PLXNB1: variants seen among roughly 807,000 people sequenced by gnomAD.
PLXNB1 encodes the protein plexin-B1.
A neutral mutation model predicts 209.4 loss-of-function variants in PLXNB1; 106 were observed. That is an observed-to-expected ratio of 0.51 (90% confidence interval 0.43 to 0.59). The LOEUF (loss-of-function observed/expected upper bound fraction) is 0.59. Ranked by LOEUF, PLXNB1 falls within the 20% of genes least tolerant of loss-of-function variation. The pLI, the probability that PLXNB1 is intolerant of heterozygous loss-of-function variation, is 0.00. For missense variants in PLXNB1, 2,357 were observed against 2,853.2 expected, an observed-to-expected ratio of 0.83 and a Z score of 3.96; for synonymous variants, 1,167 against 1,183.2, an observed-to-expected ratio of 0.99 and a Z score of 0.28.
At chr3:48,414,589 C>T (rs1254019661) in intron 21 of PLXNB1, among the ~76,000 whole-genome samples, 4 of 152,194 alleles carry the variant, frequency 2.6e-5, no homozygotes, top group East Asian at 3.9e-4. Flanking sequence ...CATCAGGACC[C>T]GGGCCACCAG....
Position 48,404,258 on chromosome 3 carries a change from C to T in PLXNB1, c.*228G>A. ...TCCCTGCAGACCGGTGTCACAGGGT[C>T]GCTGGACTCGGGGAGCAGGCTGGGT... is the stretch of plus-strand genomic sequence containing the variant. On this transcript the variant is annotated 3_prime_UTR_variant, in exon 38 of 38. Transcript: ENST00000296440. 5.6e-6 allele frequency: 3 copies of T among 533,934 alleles called. No homozygotes were observed. Among genetic ancestry groups the T allele is most frequent in the South Asian group, 2.7e-5 (1 of 37,702 alleles). 33.1% of individuals were successfully genotyped at this position (533,934 alleles called of 1,614,324 possible). A position where few individuals can be genotyped will look rare whatever the true frequency, so the allele number is the denominator to read the frequency against.
Position 48,416,105 on chromosome 3 carries a change from G to A in PLXNB1, c.3543C>T (p.Thr1181=). 1 of 1,599,086 alleles carries A rather than the reference G, an allele frequency of 6.3e-7. No individual in the cohort carries two copies. The highest frequency in any genetic ancestry group is 8.5e-7 in the Non-Finnish European group (1 of 1,173,108). ...RGPRAGGTRL[T]LNGSKLLTGR... ...CAGTCAGGAGCTTGGAGCCATTCAG[G>A]GTGAGACGGGTGCCCCCAGCTCTGG... Residue 1181 remains threonine (T), a synonymous_variant, in exon 18 of 38, where the codon ACC becomes ACT. Transcript: ENST00000296440. This position sits in a 1 kb window ranked among gnomAD's most constrained non-coding sequence, Gnocchi z 4.1.
chr3:48,424,885 C>T (rs1464008219), intron 2 of PLXNB1, among the ~76,000 whole-genome samples: 1 of 152,166 alleles, frequency 6.6e-6, no homozygotes, highest in Non-Finnish European at 1.5e-5. Context: ...CTGCACCCCA[C>T]TCACCATCCC....
Position 48,418,130 on chromosome 3 carries a change from GC to G in PLXNB1, c.3222+60del, listed in dbSNP as rs1231793356. ...GGCAGCCCCAACCTCCCACCTTTGGGCCCCCACACCCTCCCTCTAAGGGCAG... is the reference window on the plus strand; with the variant it reads ...GGCAGCCCCAACCTCCCACCTTTGGGCCCCACACCCTCCCTCTAAGGGCAG... On this transcript the variant is annotated intron_variant, in intron 15 of 37. Coordinates refer to ENST00000296440, the MANE Select transcript of PLXNB1 (RefSeq NM_001130082.3). The surrounding 1 kb of genome is among the most constrained non-coding windows in gnomAD (Gnocchi z 6.6). 3.1e-6 allele frequency: 5 copies of G among 1,607,080 alleles called. No homozygotes were observed. Among genetic ancestry groups the G allele is most frequent in the Middle Eastern group, 3.3e-4 (2 of 6,062 alleles).
Position 48,405,646 on chromosome 3 carries a change from A to G in PLXNB1, c.6303+78T>C, listed in dbSNP as rs1235139155. The G allele has an allele frequency of 8.9e-7, 1 of 1,127,972 alleles. No homozygotes were observed. Among genetic ancestry groups the G allele is most frequent in the Non-Finnish European group, 1.3e-6 (1 of 758,936 alleles). 69.9% of individuals were successfully genotyped at this position (1,127,972 alleles called of 1,614,324 possible). ...GGGGAAGACCAAAGCCCCCAACGTG[A>G]GTCACAGGGTCAGAGCCCCTTAAGT... On this transcript the variant is annotated intron_variant, in intron 37 of 37. Coordinates refer to ENST00000296440, the MANE Select transcript of PLXNB1 (RefSeq NM_001130082.3). This position sits in a 1 kb window ranked among gnomAD's most constrained non-coding sequence, Gnocchi z 5.0.
At chr3:48,422,598 G>A (rs915014137) in intron 4 of PLXNB1, 139 bp from the exon 5 acceptor site, 15 of 1,262,432 alleles carry the variant, frequency 1.2e-5, no homozygotes, top group East Asian at 5.1e-5. Flanking sequence ...CTGGCCTAGC[G>A]GGGATGGAGG....
chr3:48,423,471 A>G (rs746724825), intron 3 of PLXNB1, 34 bp downstream of exon 3: 8 of 1,593,512 alleles, frequency 5.0e-6, no homozygotes, highest in Admixed American at 1.7e-5. Context: ...GTGGCCTCAG[A>G]GAGGCGGAAA....
rs1332267246 is a variant in PLXNB1 at position 48,416,974 on chromosome 3, C to T, written c.3375-523G>A. 1 of 152,344 alleles carries T rather than the reference C, an allele frequency of 6.6e-6. No individual in the cohort carries two copies. Among genetic ancestry groups the T allele is most frequent in the Non-Finnish European group, 1.5e-5 (1 of 68,138 alleles). The allele number at this position is 152,344 out of a possible 1,614,324, so 9.4% of individuals were successfully genotyped here. On this transcript the variant is annotated intron_variant, in intron 16 of 37. Transcript: ENST00000296440. The surrounding 1 kb of genome is among the most constrained non-coding windows in gnomAD (Gnocchi z 4.1). ...ATAGAAGCTTGGGCAAATTAAACTT[C>T]CAGAGTGTTAAGCCTGCAGTGGCTC...
Position 48,416,039 on chromosome 3 carries a change from A to C in PLXNB1, c.3609T>G (p.Pro1203=). 1 of 1,603,982 alleles carries C rather than the reference A, an allele frequency of 6.2e-7. No homozygotes were observed. Among genetic ancestry groups the C allele is most frequent in the Non-Finnish European group, 8.5e-7 (1 of 1,175,462 alleles). The change falls in exon 18 of 38, where the codon CCT becomes CCG. Residue 1203 remains proline, a synonymous_variant. Transcript: ENST00000296440. This position sits in a 1 kb window ranked among gnomAD's most constrained non-coding sequence, Gnocchi z 4.1. The stretch of plus-strand genomic sequence containing the variant: ...GAGGAAGTGGCCCTCACAAGTGACA[A>C]GGCTGGTCTCCAACCACCACTCGGA... ...EDIRVVVGDQ[P]CHLLPEQQSE...
In PLXNB1 at chr3:48,423,748, C is replaced by A. The variant is rs758795276; in HGVS notation, c.864G>T (p.Ala288=). 1 of 1,613,870 alleles carries A rather than the reference C, an allele frequency of 6.2e-7. No individual in the cohort carries two copies. The highest frequency in any genetic ancestry group is 1.1e-5 in the South Asian group (1 of 91,084). The change falls in exon 3 of 38, where the codon GCG becomes GCT. Residue 288 remains alanine (A), a synonymous_variant. Coordinates refer to ENST00000296440, the MANE Select transcript of PLXNB1 (RefSeq NM_001130082.3). ...AAGCTGCAAAGAGCACCTCCCCATG[C>A]GCCACCTCCCTGGACGTGGCCACAG... is the stretch of plus-strand genomic sequence containing the variant. ...AAAVATSREV[A]HGEVLFAAFS... is the part of the protein sequence containing the mutation.
rs925476755 is a variant in PLXNB1, at chr3:48,418,207, G to A, written c.3206C>T (p.Ala1069Val). The A allele has an allele frequency of 2.5e-6, 4 of 1,610,690 alleles. No homozygotes were observed. Among genetic ancestry groups the A allele is most frequent in the South Asian group, 2.2e-5 (2 of 90,776 alleles). ...EAEAVATQCPAPLIHSVEPLT... is the reference protein window; with the variant it reads ...EAEAVATQCPVPLIHSVEPLT... ...TCAACAAACCGAGTGGATGAGGGGC[G>A]CTGGGCACTGGGTGGCCACAGCCTC... Residue 1069 changes from alanine (A) to valine (V), a missense_variant, in exon 15 of 38, where the codon GCG becomes GTG. Ala to Val is a moderately conservative substitution (Grantham distance 64, BLOSUM62 0). Around this residue, in one of 7 missense-constraint regions of PLXNB1, gnomAD observed 743 missense variants for 896.2 expected, o/e 0.83. Coordinates refer to ENST00000296440, the MANE Select transcript of PLXNB1 (RefSeq NM_001130082.3). The surrounding 1 kb of genome is among the most constrained non-coding windows in gnomAD (Gnocchi z 6.6).
At chr3:48,412,376 C>A in intron 26 of PLXNB1, 66 bp downstream of exon 26, 1 of 1,611,036 alleles carries the variant, frequency 6.2e-7, no homozygotes, top group East Asian at 2.2e-5. Flanking sequence ...TGCAGACCCC[C>A]CAGCCCGAGG....
Position 48,405,867 on chromosome 3 carries a change from AC to A in PLXNB1, c.6229-70del. On this transcript the variant is annotated intron_variant, in intron 36 of 37. Transcript: ENST00000296440. This position sits in a 1 kb window ranked among gnomAD's most constrained non-coding sequence, Gnocchi z 5.0. ...AGAGAGCCACAGGAGGCAGCCCAGGACCCCAGGGAAGGGCTGGGGGAGAAGG... is the reference window on the plus strand; with the variant it reads ...AGAGAGCCACAGGAGGCAGCCCAGGACCCAGGGAAGGGCTGGGGGAGAAGG... The A allele has an allele frequency of 2.3e-6, 3 of 1,290,464 alleles. No homozygotes were observed. Among genetic ancestry groups the A allele is most frequent in the Admixed American group, 1.7e-5 (1 of 57,354 alleles). The allele number at this position is 1,290,464 out of a possible 1,614,324, so 79.9% of individuals were successfully genotyped here. A position where few individuals can be genotyped will look rare whatever the true frequency, so the allele number is the denominator to read the frequency against.
chr3:48,412,825 C>A lies in PLXNB1; in HGVS notation c.4771G>T (p.Val1591Leu). 1 of 1,613,772 alleles carries A rather than the reference C, an allele frequency of 6.2e-7. No individual in the cohort carries two copies. The highest frequency in any genetic ancestry group is 8.5e-7 in the Non-Finnish European group (1 of 1,180,028). Residue 1591 changes from valine to leucine, a missense_variant, in exon 25 of 38, where the codon GTG becomes TTG. Val to Leu is a conservative substitution (Grantham distance 32). Transcript: ENST00000296440. ...ACAGTGGGCCGTCTGCTCTCAGGCA[C>A]ACCCAGGTCCCGGTGCAAGGGCGAC... ...RESPLHRDLG[V>L]PESRRPTVEQ... is the part of the protein sequence containing the mutation.
At chr3:48,420,998 G>A (rs2038478724) in intron 8 of PLXNB1, 42 bp from the exon 9 acceptor site, 1 of 1,512,764 alleles carries the variant, frequency 6.6e-7, no homozygotes, top group African/African-American at 1.4e-5. Flanking sequence ...CAGCAAGGAG[G>A]TGCACTCAGA....
chr3:48,415,494 C>T lies in PLXNB1; in HGVS notation c.3794+89G>A, dbSNP rs867850470. ...ACTAGCAGCATGGGATTCTCAGTGC[C>T]TCAACATAAAGCCCTACAAACCCCC... On this transcript the variant is annotated intron_variant, in intron 19 of 37. Coordinates refer to ENST00000296440, the MANE Select transcript of PLXNB1 (RefSeq NM_001130082.3). The surrounding 1 kb of genome is among the most constrained non-coding windows in gnomAD (Gnocchi z 5.0). The T allele has an allele frequency of 6.9e-7, 1 of 1,438,952 alleles. No homozygotes were observed. Among genetic ancestry groups the T allele is most frequent in the African/African-American group, 1.4e-5 (1 of 70,988 alleles). The allele number at this position is 1,438,952 out of a possible 1,614,324, so 89.1% of individuals were successfully genotyped here.
Position 48,415,482 on chromosome 3 carries a change from G to C in PLXNB1, c.3794+101C>G. On this transcript the variant is annotated intron_variant, in intron 19 of 37. Transcript: ENST00000296440. The surrounding 1 kb of genome is among the most constrained non-coding windows in gnomAD (Gnocchi z 5.0). The stretch of plus-strand genomic sequence containing the variant: ...CCCCTTGCCCCTACTAGCAGCATGG[G>C]ATTCTCAGTGCCTCAACATAAAGCC... The C allele has an allele frequency of 1.4e-6, 2 of 1,418,334 alleles. No homozygotes were observed. Among genetic ancestry groups the C allele is most frequent in the Admixed American group, 4.2e-5 (2 of 48,060 alleles). The allele number at this position is 1,418,334 out of a possible 1,614,324, so 87.9% of individuals were successfully genotyped here. A position where few individuals can be genotyped will look rare whatever the true frequency, so the allele number is the denominator to read the frequency against.
chr3:48,422,837 T>C lies in PLXNB1; in HGVS notation c.1218A>G (p.Thr406=). 6.2e-7 allele frequency: 1 copy of C among 1,614,162 alleles called. No individual in the cohort carries two copies. Among genetic ancestry groups the C allele is most frequent in the Non-Finnish European group, 8.5e-7 (1 of 1,179,994 alleles). ...PILEWPGIQL[T]AVAVTMEDGH... The stretch of plus-strand genomic sequence containing the variant: ...CATCTTCCATGGTGACTGCCACAGC[T>C]GTTAGCTGAATCCCTGGCCACTCCA... Residue 406 remains threonine, a synonymous_variant, in exon 4 of 38, where the codon ACA becomes ACG. Transcript: ENST00000296440.
chr3:48,426,653 G>A (rs1158730404), intron 1 of PLXNB1, among the ~76,000 whole-genome samples: 2 of 152,102 alleles, frequency 1.3e-5, no homozygotes, highest in South Asian at 2.1e-4. Flanking sequence ...GGAGCAGGGG[G>A]GCCGTGGTCA....
Sources: allele counts gnomAD v4.1 joint callset (sites outside exome capture counted in the v4.1 genomes callset), GRCh38; gene constraint gnomAD v4.1.1; regional missense constraint gnomAD v4.1.1; non-coding constraint Gnocchi (gnomAD v3.1); transcripts MANE v1.5; gene names NCBI Gene and HGNC (gene_info 2026-07-23, HGNC 2026-07-21).